BCL9: variants seen among roughly 807,000 people sequenced by gnomAD.
BCL9 encodes BCL9 transcription coactivator, also known as B-cell CLL/lymphoma 9 protein.
In BCL9, 25 loss-of-function variants were observed where a neutral mutation model predicts 88.5. That is an observed-to-expected ratio of 0.28 (90% CI 0.21 to 0.39). BCL9 has a LOEUF of 0.39. BCL9 is among the 10% of genes least tolerant of loss of function. BCL9 has a pLI of 1.00. For synonymous variants in BCL9, 711 were observed against 673.3 expected (o/e 1.06, Z -0.87); for missense variants, 1,817 against 1,877.8 (o/e 0.97, Z 0.60).
At chr1:147,608,462 T>G (rs1170639380) in intron 3 of BCL9, among the ~76,000 whole-genome samples, 2 of 151,334 alleles carry the variant, frequency 1.3e-5, no homozygotes, top group South Asian at 2.1e-4. Context: ...AGGGATAGGC[T>G]TAGTCCACCT....
At chr1:147,565,981 C>A (rs782366227) in intron 1 of BCL9, among the ~76,000 whole-genome samples, 40 of 152,182 alleles carry the variant, frequency 2.6e-4, no homozygotes, top group Non-Finnish European at 4.9e-4. Context: ...GTTGCTAGAA[C>A]CCCAAACTAC....
In BCL9 at chr1:147,559,944, A is replaced by G. The variant is rs1655300342; in HGVS notation, c.-478+18270A>G. Among the ~76,000 whole-genome samples the G allele has an allele frequency of 2.0e-5, 3 of 152,218 alleles. No individual in the cohort carries two copies. In the South Asian group the frequency reaches 6.2e-4, roughly 32 times the overall value. On this transcript the variant is annotated intron_variant, in intron 1 of 9. Coordinates refer to ENST00000234739, the MANE Select transcript of BCL9 (RefSeq NM_004326.4). Reference sequence around the variant, plus strand: ...AACAGAGACTTTCAGAAGCTTAGTAAAACCCTGGTTACATAAACTCTTGGA... The same window carrying G: ...AACAGAGACTTTCAGAAGCTTAGTAGAACCCTGGTTACATAAACTCTTGGA...
In BCL9 at chr1:147,622,509, G is replaced by C. The variant is rs150695645; in HGVS notation, c.3141G>C (p.Leu1047Phe). The C allele has an allele frequency of 2.4e-5, 39 of 1,614,168 alleles. No homozygotes were observed. Among genetic ancestry groups the C allele is most frequent in the African/African-American group, 2.4e-4 (18 of 75,030 alleles). ...CCCCTCCAGCTCGTTCTCCCAACTT[G>C]CCATCAATGAATAATATGCCAGGTA... The part of the protein sequence containing the change: ...DDSPPARSPN[L>F]PSMNNMPGMG... The change falls in exon 9 of 10, where the codon TTG becomes TTC. Residue 1047 changes from leucine to phenylalanine, a missense_variant. Physicochemically the swap from Leu to Phe is conservative, Grantham distance 22. Coordinates refer to ENST00000234739, the MANE Select transcript of BCL9 (RefSeq NM_004326.4).
chr1:147,588,262 C>G (rs1380096224), intron 1 of BCL9, among the ~76,000 whole-genome samples: 2 of 152,082 alleles, frequency 1.3e-5, no homozygotes, highest in African/African-American at 4.8e-5. Context: ...GTTTCCGTTG[C>G]GGACCCAGGG....
At chr1:147,587,284 A>G (rs1656656879) in intron 1 of BCL9, among the ~76,000 whole-genome samples, 1 of 152,068 alleles carries the variant, frequency 6.6e-6, no homozygotes, top group African/African-American at 2.4e-5. Flanking sequence ...TTTGAACACT[A>G]GGCAGTGAAC....
At chr1:147,585,528 G>A (rs1402788691) in intron 1 of BCL9, among the ~76,000 whole-genome samples, 2 of 152,062 alleles carry the variant, frequency 1.3e-5, no homozygotes, top group African/African-American at 4.8e-5. Context: ...TCCAGGCCTC[G>A]GTTTCATGGA....
chr1:147,574,798 A>T (rs1174416572), intron 1 of BCL9, among the ~76,000 whole-genome samples: 5 of 152,142 alleles, frequency 3.3e-5, no homozygotes, highest in Non-Finnish European at 7.4e-5. Flanking sequence ...AAAATTTTAG[A>T]TCTGACTCAC....
chr1:147,591,724 C>T (rs1656852545), intron 1 of BCL9, among the ~76,000 whole-genome samples: 1 of 152,142 alleles, frequency 6.6e-6, no homozygotes, highest in South Asian at 2.1e-4. Context: ...GGCCATCCTC[C>T]CCTCCTGGAA....
At chr1:147,553,661 T>C (rs1309706918) in intron 1 of BCL9, among the ~76,000 whole-genome samples, 4 of 152,224 alleles carry the variant, frequency 2.6e-5, no homozygotes, top group Non-Finnish European at 4.4e-5. Flanking sequence ...TTGATGTCTG[T>C]GCCCTAGTTC....
chr1:147,594,086 T>C (rs181211192), intron 1 of BCL9, among the ~76,000 whole-genome samples: 3 of 152,218 alleles, frequency 2.0e-5, no homozygotes, highest in African/African-American at 7.2e-5. Flanking sequence ...GGGGCCCTCA[T>C]TGGGCTCAGC....
chr1:147,561,121 C>T (rs1214515198), intron 1 of BCL9, among the ~76,000 whole-genome samples: 2 of 152,174 alleles, frequency 1.3e-5, no homozygotes, highest in African/African-American at 4.8e-5. Context: ...AGGTAAACCC[C>T]AACACACACT....
intron 1 of BCL9, among the ~76,000 whole-genome samples, chr1:147,580,521 G>A (rs1034545843): frequency 3.3e-5 from 5 of 152,046 alleles, no homozygotes; most frequent in African/African-American, 7.2e-5. Context: ...GAAAAGCATC[G>A]TGCACAGTGG....
At chr1:147,547,011 T>TA (rs1385168118) in intron 1 of BCL9, among the ~76,000 whole-genome samples, 14,496 of 150,122 alleles carry the variant, frequency 0.097, 896 homozygotes, top group East Asian at 0.18. Flanking sequence ...TGTTTTTTTT[T>TA]ATATTGTGCT....
chr1:147,611,195 G>A (rs148686816), intron 3 of BCL9, among the ~76,000 whole-genome samples: 5 of 152,090 alleles, frequency 3.3e-5, no homozygotes, highest in South Asian at 2.1e-4. Context: ...ATGGATCTGC[G>A]GTACCTAGGG....
intron 1 of BCL9, among the ~76,000 whole-genome samples, chr1:147,549,943 T>C (rs1553194660): frequency 2.6e-5 from 4 of 152,206 alleles, no homozygotes; most frequent in Non-Finnish European, 5.9e-5. Context: ...TTCTTTGACT[T>C]GTCAAGAGCC....
chr1:147,618,716 T>G, intron 7 of BCL9, 100 bp from the exon 8 acceptor site: 6 of 1,189,282 alleles, frequency 5.0e-6, no homozygotes, highest in Non-Finnish European at 5.6e-6. Context: ...TCAGTTAGAT[T>G]TATGTGCCTG....
intron 1 of BCL9, among the ~76,000 whole-genome samples, chr1:147,601,829 A>G (rs1476471648): frequency 1.3e-5 from 2 of 152,256 alleles, no homozygotes; most frequent in African/African-American, 4.8e-5. Flanking sequence ...GCTTTGAGCA[A>G]TGAAGGTTCC....
intron 1 of BCL9, among the ~76,000 whole-genome samples, chr1:147,544,278 A>G (rs1233714898): frequency 1.3e-5 from 2 of 152,218 alleles, no homozygotes; most frequent in Admixed American, 6.5e-5. Flanking sequence ...GTGTAACTAG[A>G]CATAAGCTAA....
intron 1 of BCL9, among the ~76,000 whole-genome samples, chr1:147,601,425 G>A (rs1447252791): frequency 1.3e-5 from 2 of 152,200 alleles, no homozygotes; most frequent in Non-Finnish European, 2.9e-5. Flanking sequence ...GTATTAGTTA[G>A]CACTTGATAT....
Sources: allele counts gnomAD v4.1 joint callset (sites outside exome capture counted in the v4.1 genomes callset), GRCh38; gene constraint gnomAD v4.1.1; transcripts MANE v1.5; gene names NCBI Gene and HGNC (gene_info 2026-07-23, HGNC 2026-07-21).